The following NR2F1-AS1 variants were observed in gnomAD, a reference collection of about 807,000 sequenced individuals.
NR2F1-AS1 encodes NR2F1 antisense RNA 1.
chr5:93,581,227 T>A (rs1271467927), upstream of NR2F1-AS1: 2 of 152,398 alleles, frequency 1.3e-5, no homozygotes, highest in African/African-American at 4.8e-5. Context: ...GACAAACTTT[T>A]ACGCCCTCGC....
chr5:93,460,929 A>G (rs1412681799), intron 4 of NR2F1-AS1, among the ~76,000 whole-genome samples: 2 of 152,206 alleles, frequency 1.3e-5, no homozygotes, highest in Admixed American at 1.3e-4. Flanking sequence ...GTGTGGCAAT[A>G]CCTCAAAGAC....
intron 4 of NR2F1-AS1, among the ~76,000 whole-genome samples, chr5:93,502,761 C>A (rs1561471582): frequency 6.6e-6 from 1 of 152,038 alleles, no homozygotes; most frequent in African/African-American, 2.4e-5. Flanking sequence ...AGGTTTGGGG[C>A]CCATGGTATG....
At chr5:93,512,827 A>G (rs941585439) in intron 4 of NR2F1-AS1, among the ~76,000 whole-genome samples, 9 of 152,202 alleles carry the variant, frequency 5.9e-5, no homozygotes, top group Middle Eastern at 3.2e-3. Flanking sequence ...GCAACAGGCT[A>G]AACCATATAG....
chr5:93,573,809 C>T (rs1752833078), intron 1 of NR2F1-AS1, among the ~76,000 whole-genome samples: 1 of 152,218 alleles, frequency 6.6e-6, no homozygotes, highest in South Asian at 2.1e-4. Flanking sequence ...AGACAGCCAT[C>T]TATCACGCCA....
At chr5:93,455,054 G>A (rs578104273) in intron 4 of NR2F1-AS1, among the ~76,000 whole-genome samples, 54 of 152,146 alleles carry the variant, frequency 3.5e-4, no homozygotes, top group Non-Finnish European at 6.5e-4. Context: ...GAGAACCACT[G>A]ATTTACAGCT....
chr5:93,518,429 T>C (rs1342502845), intron 4 of NR2F1-AS1, among the ~76,000 whole-genome samples: 1 of 152,118 alleles, frequency 6.6e-6, no homozygotes, highest in Non-Finnish European at 1.5e-5. Flanking sequence ...AATGATGATT[T>C]CACTCAATTC....
At chr5:93,581,727 T>C (rs76761793), upstream of NR2F1-AS1, among the ~76,000 whole-genome samples, 14 of 44,096 alleles carry the variant, frequency 3.2e-4, no homozygotes, top group African/African-American at 1.5e-3. Context: ...TCTCTCTCTC[T>C]CTCTCTCCCC....
chr5:93,557,331 G>A (rs1418250507), intron 2 of NR2F1-AS1, among the ~76,000 whole-genome samples: 1 of 152,158 alleles, frequency 6.6e-6, no homozygotes, highest in East Asian at 1.9e-4. Flanking sequence ...GGGCTCTGAA[G>A]TAACACATAC....
At chr5:93,500,936 A>T (rs1751065971) in intron 4 of NR2F1-AS1, among the ~76,000 whole-genome samples, 1 of 152,202 alleles carries the variant, frequency 6.6e-6, no homozygotes, top group Admixed American at 6.5e-5. Context: ...TAATTAAAAA[A>T]TACATTTTGT....
intron 4 of NR2F1-AS1, among the ~76,000 whole-genome samples, chr5:93,504,629 G>A (rs1580283890): frequency 2.0e-5 from 3 of 151,924 alleles, no homozygotes; most frequent in Non-Finnish European, 2.9e-5. Flanking sequence ...AATCACGGTG[G>A]GAGGCAAAAG....
At chr5:93,572,457 C>T (rs577987500) in intron 1 of NR2F1-AS1, among the ~76,000 whole-genome samples, 2 of 152,352 alleles carry the variant, frequency 1.3e-5, no homozygotes, top group African/African-American at 4.8e-5. Context: ...TGCTCCTCTT[C>T]GCCTATCGGC....
At chr5:93,578,501 A>G (rs559009434) in intron 1 of NR2F1-AS1, among the ~76,000 whole-genome samples, 3 of 152,160 alleles carry the variant, frequency 2.0e-5, no homozygotes, top group African/African-American at 7.2e-5. Flanking sequence ...GGCCCCGGCA[A>G]GGCCCTTACA....
intron 4 of NR2F1-AS1, among the ~76,000 whole-genome samples, chr5:93,493,688 A>G (rs1488791368): frequency 6.6e-6 from 1 of 152,156 alleles, no homozygotes; most frequent in East Asian, 1.9e-4. Flanking sequence ...TCCAGAAATA[A>G]ACCCAAACAT....
chr5:93,504,751 G>A (rs1229587417), intron 4 of NR2F1-AS1, among the ~76,000 whole-genome samples: 1 of 152,036 alleles, frequency 6.6e-6, no homozygotes, highest in Non-Finnish European at 1.5e-5. Context: ...GAATAGCACA[G>A]GAAAGATCAG....
chr5:93,416,236 T>G (rs546846407), intron 4 of NR2F1-AS1, among the ~76,000 whole-genome samples: 5 of 152,230 alleles, frequency 3.3e-5, no homozygotes, highest in Non-Finnish European at 7.3e-5. Context: ...TACTTATATA[T>G]AAAGTTCCAT....
chr5:93,474,358 C>T (rs914566249), intron 4 of NR2F1-AS1, among the ~76,000 whole-genome samples: 66 of 152,214 alleles, frequency 4.3e-4, no homozygotes, highest in Non-Finnish European at 8.8e-4. Context: ...ACCAAGTATA[C>T]TGCCTATAAC....
chr5:93,496,736 CTT>C (rs1279616661), intron 4 of NR2F1-AS1, among the ~76,000 whole-genome samples: 15 of 152,218 alleles, frequency 9.9e-5, no homozygotes, highest in Admixed American at 4.6e-4. Context: ...TCTTGTTGCT[CTT>C]GTTAATTGAT....
At chr5:93,467,825 A>G (rs1750272286) in intron 4 of NR2F1-AS1, among the ~76,000 whole-genome samples, 1 of 152,038 alleles carries the variant, frequency 6.6e-6, no homozygotes, top group Non-Finnish European at 1.5e-5. Flanking sequence ...ATGCCCTGAC[A>G]GGCCCCGGCA....
chr5:93,487,632 T>C (rs1461722841), intron 4 of NR2F1-AS1, among the ~76,000 whole-genome samples: 1 of 152,100 alleles, frequency 6.6e-6, no homozygotes, highest in African/African-American at 2.4e-5. Context: ...TGCTCATGGA[T>C]AGGAAGAATC....
Sources: gnomAD v4.1 joint callset for allele counts (sites outside exome capture counted in the v4.1 genomes callset) on GRCh38, gnomAD v4.1.1 for gene constraint, MANE v1.5 for transcripts, NCBI Gene and HGNC (gene_info 2026-07-23, HGNC 2026-07-21) for gene names.